The following COL1A2 variants were observed in gnomAD, a reference collection of about 807,000 sequenced individuals.
The protein encoded by COL1A2 is collagen alpha-2(I) chain.
Under a neutral mutation model 174.3 loss-of-function variants are expected in COL1A2, and 49 were observed. The ratio of observed to expected loss-of-function variants is 0.28; its 90% CI spans 0.22 to 0.36. The LOEUF is 0.36. Ranked by LOEUF, COL1A2 falls within the 10% of genes least tolerant of loss-of-function variation. The probability of loss-of-function intolerance (pLI) is 1.00; values close to 1 mark genes in which losing one functional copy is unlikely to be tolerated. For synonymous variants in COL1A2, 655 were observed against 606.6 expected (o/e 1.08, Z -1.17); for missense variants, 1,438 against 1,822.7 (o/e 0.79, Z 3.84).
In COL1A2 at chr7:94,430,420, A is replaced by G. The variant is rs375817544; in HGVS notation, c.*27A>G. The G allele has an allele frequency of 6.2e-7, 1 of 1,608,200 alleles. No homozygotes were observed. Among genetic ancestry groups the G allele is most frequent in the Non-Finnish European group, 8.5e-7 (1 of 1,178,062 alleles). The stretch of plus-strand genomic sequence containing the variant: ...TGAACTCAATCTAAATTAAAAAAGA[A>G]AGAAATTTGAAAAAACTTTCTCTTT... On this transcript the variant is annotated 3_prime_UTR_variant, in exon 52 of 52. Coordinates refer to ENST00000297268, the MANE Select transcript of COL1A2 (RefSeq NM_000089.4).
At chr7:94,430,164 G>T in intron 51 of COL1A2, 83 bp from the exon 52 acceptor site, 1 of 1,366,892 alleles carries the variant, frequency 7.3e-7, no homozygotes, top group South Asian at 1.2e-5. Context: ...CCAAACAGTG[G>T]TTCTTATTAA....
In COL1A2 at chr7:94,406,291, T is replaced by G. The variant is rs144540908; in HGVS notation, c.582T>G (p.Ala194=). ...ATGGATTGAAGGGACAGCCCGGTGC[T>G]CCTGGTGTGAAGGTAAATATTAAAT... ...GLDGLKGQPG[A]PGVKGEPGAP... The change falls in exon 12 of 52, where the codon GCT becomes GCG. Residue 194 remains alanine (A), a synonymous_variant. Transcript: ENST00000297268. 8.6e-4 allele frequency: 1,382 copies of G among 1,613,990 alleles called. 9 individuals carry two copies. The highest frequency in any genetic ancestry group is 3.4e-4 in the Non-Finnish European group (402 of 1,179,870).
At position 94,427,304 on chromosome 7, in the gene COL1A2, G is replaced by A. The variant is rs748763414; in HGVS notation, c.3267+9G>A. 2 of 1,602,056 alleles carry A rather than the reference G, an allele frequency of 1.2e-6. No homozygotes were observed. Among genetic ancestry groups the A allele is most frequent in the African/African-American group, 2.7e-5 (2 of 74,738 alleles). Reference sequence around the variant, plus strand: ...GTCACCAAGGCCCTGCTGTAAGTATGATTTGGGGAAATAATAAAGAAGATC... The same window carrying A: ...GTCACCAAGGCCCTGCTGTAAGTATAATTTGGGGAAATAATAAAGAAGATC... On this transcript the variant is annotated intron_variant, in intron 48 of 51. Transcript: ENST00000297268.
rs781721538 is a variant in COL1A2 at position 94,430,304 on chromosome 7, C to T, written c.4012C>T (p.Arg1338Cys). 1.4e-5 allele frequency: 23 copies of T among 1,613,912 alleles called. No individual in the cohort carries two copies. The highest frequency in any genetic ancestry group is 5.0e-5 in the Admixed American group (3 of 60,002). Residue 1338 changes from arginine (R) to cysteine (C), a missense_variant, in exon 52 of 52, where the codon CGC becomes TGC. By Grantham distance (180) the Arg-to-Cys change is radical. Transcript: ENST00000297268. The part of the protein sequence containing the change: ...IIEYKTNKPS[R>C]LPFLDIAPLD... ...TGAATACAAAACAAATAAGCCATCA[C>T]GCCTGCCCTTCCTTGATATTGCACC...
rs534424470 is a variant in COL1A2, at chr7:94,429,117, T to C, written c.3712-71T>C. ...TGAGATCTTTTTTTTTCTTTTTTTTTTTTTTCATGTTTGACTCTTAGTATC... is the reference window on the plus strand; with the variant it reads ...TGAGATCTTTTTTTTTCTTTTTTTTCTTTTTCATGTTTGACTCTTAGTATC... On this transcript the variant is annotated intron_variant, in intron 50 of 51. Transcript: ENST00000297268. 3.5e-3 allele frequency: 4,289 copies of C among 1,208,764 alleles called. 122 individuals carry two copies. The highest frequency in any genetic ancestry group is 4.7e-3 in the South Asian group (317 of 67,802). The allele number at this position is 1,208,764 out of a possible 1,614,324, so 74.9% of individuals were successfully genotyped here. A position where few individuals can be genotyped will look rare whatever the true frequency, so the allele number is the denominator to read the frequency against.
chr7:94,427,973 C>A, intron 49 of COL1A2, 88 bp downstream of exon 49: 1 of 1,389,984 alleles, frequency 7.2e-7, no homozygotes, highest in Non-Finnish European at 1.0e-6. Context: ...AGTGAAAATG[C>A]ATTTGGGTAA....
chr7:94,425,425 G>T (rs1173381145), intron 42 of COL1A2, 185 bp from the exon 43 acceptor site: 25 of 829,090 alleles, frequency 3.0e-5, no homozygotes, highest in Non-Finnish European at 4.5e-5. Context: ...GCAAAACTGG[G>T]CCCAAGTATT....
intron 32 of COL1A2, 29 bp downstream of exon 32, chr7:94,417,860 T>C: frequency 6.5e-7 from 1 of 1,531,480 alleles, no homozygotes; most frequent in Non-Finnish European, 8.9e-7. Context: ...TACATATTGT[T>C]GATGAACTCT....
chr7:94,422,949 G>A lies in COL1A2; in HGVS notation c.2404-8G>A. ...AGAAAGGAAATGACCTTGTACATTT[G>A]CTCATAGGGTATTTCTGGCCCTCCT... On this transcript the variant is annotated splice_polypyrimidine_tract_variant and splice_region_variant and intron_variant, in intron 39 of 51. Transcript: ENST00000297268. 6.2e-7 allele frequency: 1 copy of A among 1,614,108 alleles called. No individual in the cohort carries two copies. The highest frequency in any genetic ancestry group is 2.2e-5 in the East Asian group (1 of 44,884).
Position 94,414,245 on chromosome 7 carries a change from C to T in COL1A2, c.1689C>T (p.Pro563=), listed in dbSNP as rs183493537. Reference sequence around the variant, plus strand: ...AGGGTCTGCCTGGCCCCTCAGGTCCCGCTGGTGAAGTTGGCAAACCAGGAG... The same window carrying T: ...AGGGTCTGCCTGGCCCCTCAGGTCCTGCTGGTGAAGTTGGCAAACCAGGAG... ...GFQGLPGPSG[P]AGEVGKPGER... The change falls in exon 29 of 52, where the codon CCC becomes CCT. Residue 563 remains proline (P), a synonymous_variant. Coordinates refer to ENST00000297268, the MANE Select transcript of COL1A2 (RefSeq NM_000089.4). 36 of 1,614,012 alleles carry T rather than the reference C, an allele frequency of 2.2e-5. No homozygotes were observed. Among genetic ancestry groups the T allele is most frequent in the African/African-American group, 8.0e-5 (6 of 74,984 alleles).
intron 12 of COL1A2, among the ~76,000 whole-genome samples, chr7:94,406,569 C>A (rs1791802187): frequency 6.6e-6 from 1 of 151,916 alleles, no homozygotes; most frequent in African/African-American, 2.4e-5. Flanking sequence ...TCCTTTCCTC[C>A]CTCTATAATT....
At chr7:94,408,116 C>A (rs369206985) in intron 13 of COL1A2, 67 bp from the exon 14 acceptor site, 4 of 1,536,700 alleles carry the variant, frequency 2.6e-6, no homozygotes, top group Non-Finnish European at 3.6e-6. Flanking sequence ...CTGAACAAAG[C>A]AAATGATGCC....
intron 49 of COL1A2, 53 bp downstream of exon 49, chr7:94,427,938 A>C: frequency 6.3e-7 from 1 of 1,591,678 alleles, no homozygotes; most frequent in Non-Finnish European, 8.6e-7. Flanking sequence ...TGAGCTTTTC[A>C]AAATTAGTTT....
chr7:94,411,284 T>C (rs922515487), intron 23 of COL1A2, 130 bp downstream of exon 23: 10 of 770,686 alleles, frequency 1.3e-5, no homozygotes, highest in Non-Finnish European at 2.2e-5. Context: ...GACAGTTGCA[T>C]TTTTGACTTT....
chr7:94,411,030 T>C, intron 22 of COL1A2, 26 bp from the exon 23 acceptor site: 1 of 1,586,644 alleles, frequency 6.3e-7, no homozygotes, highest in South Asian at 1.1e-5. Context: ...TCCTCCTCTA[T>C]CTGTTTTTTT....
At chr7:94,426,148 T>G (rs908500111) in intron 45 of COL1A2, 97 bp downstream of exon 45, 2 of 1,196,784 alleles carry the variant, frequency 1.7e-6, no homozygotes, top group Non-Finnish European at 2.5e-6. Flanking sequence ...CAGCTAGACT[T>G]AATATTTTTT....
At chr7:94,429,134 C>A in intron 50 of COL1A2, 54 bp from the exon 51 acceptor site, 14 of 1,050,288 alleles carry the variant, frequency 1.3e-5, no homozygotes, top group Non-Finnish European at 1.7e-5. Context: ...ATGTTTGACT[C>A]TTAGTATCTG....
intron 40 of COL1A2, chr7:94,423,385 C>G (rs1293956275): frequency 1.3e-5 from 6 of 469,304 alleles, no homozygotes; most frequent in Non-Finnish European, 2.3e-5. Context: ...TTACTGGTAC[C>G]AGGATTAGAA....
chr7:94,412,348 C>G (rs184981851), intron 24 of COL1A2, among the ~76,000 whole-genome samples: 129 of 151,438 alleles, frequency 8.5e-4, no homozygotes, highest in Non-Finnish European at 1.4e-3. Flanking sequence ...AAGCAGGTGA[C>G]AAGGGGATGC....
Sources: allele counts gnomAD v4.1 joint callset (sites outside exome capture counted in the v4.1 genomes callset), GRCh38; gene constraint gnomAD v4.1.1; transcripts MANE v1.5; gene names NCBI Gene and HGNC (gene_info 2026-07-23, HGNC 2026-07-21).